The following TBC1D5 variants were observed in gnomAD, a reference collection of about 807,000 sequenced individuals.
TBC1D5 encodes the protein TBC1 domain family member 5, also known as TBC1 domain family, member 5.
In TBC1D5, 75 loss-of-function variants were observed where a neutral mutation model predicts 100.3. The ratio of observed to expected loss-of-function variants is 0.75; its 90% CI spans 0.62 to 0.91. TBC1D5 has a LOEUF of 0.91. Among genes scored for constraint, TBC1D5 ranks in the 40% least tolerant of loss-of-function variants. The pLI is 0.00. For missense variants in TBC1D5, 910 were observed against 942.4 expected, an observed-to-expected ratio of 0.97 and a Z score of 0.45; for synonymous variants, 323 against 325.6, an observed-to-expected ratio of 0.99 and a Z score of 0.09.
intron 1 of TBC1D5, among the ~76,000 whole-genome samples, chr3:17,629,270 A>G (rs2063306191): frequency 6.6e-6 from 1 of 152,204 alleles, no homozygotes. Context: ...TAATTTAGCC[A>G]TTAGATACAC....
At chr3:17,645,872 C>T (rs1478314427) in intron 1 of TBC1D5, among the ~76,000 whole-genome samples, 1 of 152,080 alleles carries the variant, frequency 6.6e-6, no homozygotes, top group Non-Finnish European at 1.5e-5. Context: ...CTCAGGAAAA[C>T]ATGACAACTC....
At chr3:17,593,249 T>C (rs1388928899) in intron 2 of TBC1D5, among the ~76,000 whole-genome samples, 1 of 152,114 alleles carries the variant, frequency 6.6e-6, no homozygotes, top group Non-Finnish European at 1.5e-5. Flanking sequence ...AAGATGACCC[T>C]TTCTGTGGAC....
chr3:17,529,884 A>G (rs2096195845), intron 2 of TBC1D5, among the ~76,000 whole-genome samples: 1 of 152,188 alleles, frequency 6.6e-6, no homozygotes, highest in African/African-American at 2.4e-5. Flanking sequence ...TCATAAATCA[A>G]GATGTCTCAG....
chr3:17,499,688 CAAA>C (rs368826012), intron 3 of TBC1D5, among the ~76,000 whole-genome samples: 1 of 122,536 alleles, frequency 8.2e-6, no homozygotes. Flanking sequence ...ACACTGTCTC[CAAA>C]AAAAAAAAAA....
At chr3:17,652,884 A>C (rs1164249880) in intron 1 of TBC1D5, among the ~76,000 whole-genome samples, 3 of 152,212 alleles carry the variant, frequency 2.0e-5, no homozygotes, top group Non-Finnish European at 4.4e-5. Context: ...ACTATTCACA[A>C]TAGCCAAAAG....
chr3:17,239,594 T>C (rs1264018488), intron 16 of TBC1D5, among the ~76,000 whole-genome samples: 1 of 152,212 alleles, frequency 6.6e-6, no homozygotes, highest in African/African-American at 2.4e-5. Flanking sequence ...TTCCTCAAGG[T>C]CACCAATGAC....
chr3:17,711,376 A>G (rs1015167471), intron 1 of TBC1D5, among the ~76,000 whole-genome samples: 38 of 152,348 alleles, frequency 2.5e-4, no homozygotes, highest in Middle Eastern at 3.4e-3. Flanking sequence ...TAATATGAAC[A>G]TGATAAACTT....
chr3:17,306,843 C>A (rs1324821452), intron 14 of TBC1D5, among the ~76,000 whole-genome samples: 2 of 151,966 alleles, frequency 1.3e-5, no homozygotes, highest in Non-Finnish European at 2.9e-5. Context: ...AATCCAGTAT[C>A]CATCAAATCT....
At position 17,476,640 on chromosome 3, in the gene TBC1D5, A is replaced by G. The variant is rs187364923; in HGVS notation, c.97+31834T>C. The stretch of plus-strand genomic sequence containing the variant: ...TTACTAAAAATAACAAATCAATGTA[A>G]AAATTTTGACTGAAAAATACACTGA... On this transcript the variant is annotated intron_variant, in intron 3 of 21. Transcript: ENST00000253692. 7.9e-5 allele frequency among the ~76,000 whole-genome samples: 12 copies of G among 152,148 alleles called. No individual in the cohort carries two copies. In the East Asian group the frequency reaches 2.3e-3, roughly 29 times the overall value.
chr3:17,270,642 G>C (rs2079311681), intron 15 of TBC1D5, among the ~76,000 whole-genome samples: 1 of 152,112 alleles, frequency 6.6e-6, no homozygotes, highest in Admixed American at 6.6e-5. Flanking sequence ...TCACTTGTCA[G>C]TTTTTGTTAC....
At chr3:17,227,613 C>T (rs1241346100) in intron 17 of TBC1D5, among the ~76,000 whole-genome samples, 4 of 151,958 alleles carry the variant, frequency 2.6e-5, no homozygotes, top group Admixed American at 2.0e-4. Context: ...AAACTAAATA[C>T]CACATGTTCT....
exon 3 of TBC1D5, chr3:17,508,602 C>A: frequency 6.7e-7 from 1 of 1,497,556 alleles, no homozygotes; most frequent in Non-Finnish European, 9.3e-7. Flanking sequence ...CCAAAAGTAA[C>A]TACCTGGGAG....
chr3:17,474,264 C>T (rs574934968), intron 3 of TBC1D5, among the ~76,000 whole-genome samples: 1 of 152,264 alleles, frequency 6.6e-6, no homozygotes, highest in African/African-American at 2.4e-5. Context: ...ATATAAACTA[C>T]TTACTCATCA....
chr3:17,701,511 T>A (rs1476638230), intron 1 of TBC1D5, among the ~76,000 whole-genome samples: 1 of 152,130 alleles, frequency 6.6e-6, no homozygotes, highest in Non-Finnish European at 1.5e-5. Context: ...GGCGCACAAC[T>A]GTAGTTCCAG....
intron 17 of TBC1D5, among the ~76,000 whole-genome samples, chr3:17,237,334 C>A (rs550069957): frequency 3.9e-5 from 6 of 152,158 alleles, no homozygotes; most frequent in African/African-American, 1.2e-4. Flanking sequence ...ATAAATGTAG[C>A]TGTTTCCAAT....
chr3:17,464,867 TA>T (rs149835708), intron 3 of TBC1D5, among the ~76,000 whole-genome samples: 3 of 150,146 alleles, frequency 2.0e-5, no homozygotes, highest in Non-Finnish European at 3.0e-5. Flanking sequence ...TTTTTCAAGA[TA>T]AAAAAAAACA....
intron 15 of TBC1D5, among the ~76,000 whole-genome samples, chr3:17,261,981 C>T (rs2078347501): frequency 6.6e-6 from 1 of 151,904 alleles, no homozygotes; most frequent in South Asian, 2.1e-4. Flanking sequence ...AAAAATCAGA[C>T]CCCATGAAAA....
intron 2 of TBC1D5, among the ~76,000 whole-genome samples, chr3:17,615,544 A>G (rs1388986172): frequency 1.3e-5 from 2 of 152,066 alleles, no homozygotes; most frequent in Non-Finnish European, 2.9e-5. Context: ...TAGTCTATTC[A>G]TTATTGCCTC....
intron 15 of TBC1D5, 65 bp downstream of exon 15, chr3:17,291,830 T>C: frequency 7.0e-7 from 1 of 1,419,618 alleles, no homozygotes; most frequent in African/African-American, 1.4e-5. Flanking sequence ...ATTCTTAGAC[T>C]CTACACAGAG....
Sources: gnomAD v4.1 joint callset for allele counts (sites outside exome capture counted in the v4.1 genomes callset) on GRCh38, gnomAD v4.1.1 for gene constraint, MANE v1.5 for transcripts, NCBI Gene and HGNC (gene_info 2026-07-23, HGNC 2026-07-21) for gene names.